KLHL12: variants seen among roughly 807,000 people sequenced by gnomAD.
KLHL12 encodes kelch-like protein 12.
KLHL12 carries 17 observed loss-of-function variants against 60.8 expected under a neutral mutation model. That is an observed-to-expected ratio of 0.28 (90% confidence interval 0.19 to 0.42). KLHL12 has a LOEUF of 0.42. KLHL12 is among the 10% of genes least tolerant of loss of function. The pLI is 1.00. For synonymous variants in KLHL12, 220 were observed against 250.9 expected (o/e 0.88, Z 1.16); for missense variants, 468 against 722.3 (o/e 0.65, Z 4.04).
chr1:202,897,414 A>C (rs1659875976), intron 6 of KLHL12, among the ~76,000 whole-genome samples: 1 of 150,864 alleles, frequency 6.6e-6, no homozygotes, highest in Non-Finnish European at 1.5e-5. Flanking sequence ...TTGTATTTTT[A>C]GTAGAGATGG....
upstream of KLHL12, chr1:202,928,544 G>A (rs1653734589): frequency 1.5e-6 from 2 of 1,303,886 alleles, no homozygotes; most frequent in African/African-American, 3.0e-5. Flanking sequence ...ATTTATTCAC[G>A]TCCATTGTCC....
rs146629149 is a variant in KLHL12, at chr1:202,909,361, A to G, written c.718-237T>C. On this transcript the variant is annotated intron_variant, in intron 5 of 11. Coordinates refer to ENST00000367261, the MANE Select transcript of KLHL12 (RefSeq NM_021633.4). This position sits in a 1 kb window ranked among gnomAD's most constrained non-coding sequence, Gnocchi z 4.1. ...ATCAAAAATCAAATGATATAAACAG[A>G]TATGTTGAGCAGTATTTCCCATCTA... Among the ~76,000 whole-genome samples the G allele has an allele frequency of 5.4e-3, 819 of 151,570 alleles. 10 individuals carry two copies. The highest frequency in any genetic ancestry group is 0.019 in the African/African-American group (782 of 41,180).
intron 4 of KLHL12, chr1:202,912,634 A>G (rs1660400145): frequency 7.5e-7 from 1 of 1,341,182 alleles, no homozygotes; most frequent in Non-Finnish European, 1.1e-6. Context: ...CTGGGCCCCT[A>G]TGGCGGTGGA....
At position 202,905,589 on chromosome 1, in the gene KLHL12, T is replaced by C. The variant is rs138386822; in HGVS notation, c.832+3421A>G. Among the ~76,000 whole-genome samples, 1,301 of 152,346 alleles carry C rather than the reference T, an allele frequency of 8.5e-3. 14 individuals carry two copies. Among genetic ancestry groups the C allele is most frequent in the Middle Eastern group, 0.024 (7 of 294 alleles). ...CATGGTATAGGTTGAGTAACCCTTA[T>C]CTGAAATGCTTACGACAAGAAGCGC... On this transcript the variant is annotated intron_variant, in intron 6 of 11. Coordinates refer to ENST00000367261, the MANE Select transcript of KLHL12 (RefSeq NM_021633.4).
At chr1:202,921,096 T>C (rs1291012926) in intron 2 of KLHL12, among the ~76,000 whole-genome samples, 3 of 151,686 alleles carry the variant, frequency 2.0e-5, no homozygotes, top group African/African-American at 7.3e-5. Context: ...CTGCAACCTC[T>C]GCCTCCCAGG....
intron 4 of KLHL12, chr1:202,912,182 A>C: frequency 2.2e-6 from 2 of 913,876 alleles, no homozygotes; most frequent in Admixed American, 3.4e-5. Flanking sequence ...CACCTAAGAG[A>C]TAATTTGAAC....
Position 202,894,144 on chromosome 1 carries a change from C to G in KLHL12, c.1393+40G>C, listed in dbSNP as rs750753403. On this transcript the variant is annotated intron_variant, in intron 10 of 11. Transcript: ENST00000367261. The stretch of plus-strand genomic sequence containing the variant: ...CACCATTATATATGTAAAGGTCTGA[C>G]AGCATCGCCTATTGTCCCCTCCCTC... The G allele has an allele frequency of 1.4e-4, 166 of 1,167,822 alleles. No individual in the cohort carries two copies. The East Asian group carries it at 4.2e-3, about 29-fold the overall frequency. 72.3% of individuals were successfully genotyped at this position (1,167,822 alleles called of 1,614,324 possible).
chr1:202,908,598 T>C (rs557727117), intron 6 of KLHL12, among the ~76,000 whole-genome samples: 2 of 152,288 alleles, frequency 1.3e-5, no homozygotes, highest in South Asian at 4.1e-4. Flanking sequence ...GCTCCTTTTC[T>C]TCCTCTCTTC....
intron 6 of KLHL12, among the ~76,000 whole-genome samples, chr1:202,906,266 A>G (rs995013331): frequency 2.0e-5 from 3 of 150,212 alleles, no homozygotes; most frequent in African/African-American, 4.9e-5. Context: ...CAGCCTGGCC[A>G]ACGTGGTGAA....
In KLHL12 at chr1:202,927,091, C is replaced by G; in HGVS notation, c.-48G>C. ...GCCATCACTTCCGCGCAACTCACCT[C>G]CGCTCCCGAACCCACACAGCCGCAC... On this transcript the variant is annotated splice_region_variant and 5_prime_UTR_variant, in exon 1 of 12. Coordinates refer to ENST00000367261, the MANE Select transcript of KLHL12 (RefSeq NM_021633.4). The G allele has an allele frequency of 1.0e-5, 10 of 985,546 alleles. No individual in the cohort carries two copies. Among genetic ancestry groups the G allele is most frequent in the Non-Finnish European group, 1.2e-5 (10 of 830,054 alleles). The allele number at this position is 985,546 out of a possible 1,614,324, so 61.1% of individuals were successfully genotyped here. A position where few individuals can be genotyped will look rare whatever the true frequency, so the allele number is the denominator to read the frequency against.
intron 2 of KLHL12, among the ~76,000 whole-genome samples, chr1:202,921,168 A>G (rs1660686251): frequency 6.8e-6 from 1 of 147,174 alleles, no homozygotes; most frequent in African/African-American, 2.5e-5. Context: ...ACACCACTAC[A>G]ACCAGCTAAT....
intron 4 of KLHL12, among the ~76,000 whole-genome samples, chr1:202,911,450 A>G (rs1469147292): frequency 1.9e-5 from 2 of 103,106 alleles, no homozygotes; most frequent in African/African-American, 6.6e-5. Context: ...ACATATATAT[A>G]TATGTATCTC....
Position 202,912,121 on chromosome 1 carries a change from A to G in KLHL12, c.568-918T>C, listed in dbSNP as rs373415245. The G allele has an allele frequency of 1.3e-5, 11 of 835,344 alleles. No individual in the cohort carries two copies. In the African/African-American group the frequency reaches 1.5e-4, roughly 11 times the overall value. The allele number at this position is 835,344 out of a possible 1,614,324, so 51.7% of individuals were successfully genotyped here. A position where few individuals can be genotyped will look rare whatever the true frequency, so the allele number is the denominator to read the frequency against. The stretch of plus-strand genomic sequence containing the variant: ...TTCTCAAAGACCAGGTGCTCACTTA[A>G]CTGTGAAAAAGATATTTGTTGGCAG... On this transcript the variant is annotated intron_variant, in intron 4 of 11. Transcript: ENST00000367261.
In KLHL12 at chr1:202,918,326, T is replaced by C; in HGVS notation, c.412A>G (p.Ile138Val). The C allele has an allele frequency of 6.2e-7, 1 of 1,614,150 alleles. No homozygotes were observed. Among genetic ancestry groups the C allele is most frequent in the Non-Finnish European group, 8.5e-7 (1 of 1,180,000 alleles). Residue 138 changes from isoleucine to valine, a missense_variant, in exon 4 of 12, where the codon ATT (isoleucine) becomes GTT (valine). Transcript: ENST00000367261. ...TTGTGGGTTTCAGCAAAATCCCTAATACCCAGGCAATTAGAAGGGTCCAAC... is the reference window on the plus strand; with the variant it reads ...TTGTGGGTTTCAGCAAAATCCCTAACACCCAGGCAATTAGAAGGGTCCAAC... ...SQLDPSNCLG[I>V]RDFAETHNCV...
chr1:202,922,085 A>G (rs1660710644), intron 2 of KLHL12, among the ~76,000 whole-genome samples: 1 of 152,242 alleles, frequency 6.6e-6, no homozygotes, highest in Non-Finnish European at 1.5e-5. Context: ...TTCTCATTCA[A>G]TAAACTACAT....
chr1:202,899,531 TC>T (rs1332035063), intron 6 of KLHL12, among the ~76,000 whole-genome samples: 2 of 151,980 alleles, frequency 1.3e-5, no homozygotes, highest in Non-Finnish European at 2.9e-5. Context: ...GTCAGCTCCT[TC>T]GAAAATCAAA....
At position 202,892,675 on chromosome 1, in the gene KLHL12, G is replaced by A. The variant is rs1300228763; in HGVS notation, c.1581-16C>T. 1.2e-6 allele frequency: 2 copies of A among 1,612,004 alleles called. No homozygotes were observed. The highest frequency in any genetic ancestry group is 1.7e-6 in the Non-Finnish European group (2 of 1,178,414). On this transcript the variant is annotated splice_polypyrimidine_tract_variant and intron_variant, in intron 11 of 11. Coordinates refer to ENST00000367261, the MANE Select transcript of KLHL12 (RefSeq NM_021633.4). ...ACCATCATATCTGAGTGGGAAAGAA[G>A]CAAAAGAAAGAAATGAGTCAGCTGC...
rs967844151 is a variant in KLHL12, at chr1:202,903,688, T to C, written c.832+5322A>G. Among the ~76,000 whole-genome samples the C allele has an allele frequency of 2.2e-5, 3 of 139,034 alleles. No individual in the cohort carries two copies. The South Asian group carries it at 7.1e-4, about 33-fold the overall frequency. The allele number at this position is 139,034 out of a possible 152,430, so 91.2% of individuals were successfully genotyped here. A position where few individuals can be genotyped will look rare whatever the true frequency, so the allele number is the denominator to read the frequency against. On this transcript the variant is annotated intron_variant, in intron 6 of 11. Coordinates refer to ENST00000367261, the MANE Select transcript of KLHL12 (RefSeq NM_021633.4). Reference sequence around the variant, plus strand: ...CCCAGGCTGGAGTGCAGTGGTGTGATCTTGGCTCACTGCAACCTCTGCCTC... The same window carrying C: ...CCCAGGCTGGAGTGCAGTGGTGTGACCTTGGCTCACTGCAACCTCTGCCTC...
intron 4 of KLHL12, among the ~76,000 whole-genome samples, chr1:202,912,910 G>A (rs916654690): frequency 1.8e-4 from 28 of 151,968 alleles, no homozygotes; most frequent in Admixed American, 1.6e-3. Context: ...CTGTATTTGT[G>A]ACTAATTGTG....
Sources: allele counts gnomAD v4.1 joint callset (sites outside exome capture counted in the v4.1 genomes callset), GRCh38; gene constraint gnomAD v4.1.1; non-coding constraint Gnocchi (gnomAD v3.1); transcripts MANE v1.5; gene names NCBI Gene and HGNC (gene_info 2026-07-23, HGNC 2026-07-21).